The following WWC2 variants were observed in gnomAD, a reference collection of about 807,000 sequenced individuals.
WWC2 encodes WW and C2 domain containing 2.
In WWC2, 101 loss-of-function variants were observed where a neutral mutation model predicts 138.5. That is an observed-to-expected ratio of 0.73 (90% confidence interval 0.62 to 0.86). The LOEUF (loss-of-function observed/expected upper bound fraction) is 0.86. Among genes scored for constraint, WWC2 ranks in the 40% least tolerant of loss-of-function variants. WWC2 has a pLI of 0.00. For missense variants in WWC2, 1,420 were observed against 1,419.4 expected (o/e 1.00, Z -0.01); for synonymous variants, 558 against 538.4 (o/e 1.04, Z -0.50).
rs1737321326 is a variant in WWC2, at chr4:183,261,285, C to T, written c.1662C>T (p.Ser554=). Residue 554 remains serine (S), a synonymous_variant, in exon 11 of 23, where the codon TCC becomes TCT. Transcript: ENST00000403733. ...TGTCCTCGAGGTCCTCCCTTTCCTCCTTGTCTCCTCCAGGCTCTCCCTTGG... is the reference window on the plus strand; with the variant it reads ...TGTCCTCGAGGTCCTCCCTTTCCTCTTTGTCTCCTCCAGGCTCTCCCTTGG... ...ASLSSRSSLS[S]LSPPGSPLVL... is the part of the protein sequence containing the mutation. The T allele has an allele frequency of 6.2e-7, 1 of 1,613,472 alleles. No homozygotes were observed. The highest frequency in any genetic ancestry group is 1.3e-5 in the African/African-American group (1 of 74,900).
intron 1 of WWC2, among the ~76,000 whole-genome samples, chr4:183,188,887 C>T (rs1237129674): frequency 1.3e-5 from 2 of 151,972 alleles, no homozygotes; most frequent in Non-Finnish European, 2.9e-5. Flanking sequence ...CTCAGGTGAT[C>T]CGTCCACCTT....
At chr4:183,100,566 T>C (rs530494761) in intron 1 of WWC2, among the ~76,000 whole-genome samples, 23 of 152,302 alleles carry the variant, frequency 1.5e-4, no homozygotes, top group East Asian at 9.6e-4. Flanking sequence ...ATTTGGACTT[T>C]TGTCATTTCT....
intron 15 of WWC2, chr4:183,269,541 T>C: frequency 2.1e-6 from 1 of 477,566 alleles, no homozygotes; most frequent in East Asian, 6.8e-5. Context: ...GACAACCTGA[T>C]GAAAGATTGG....
intron 1 of WWC2, among the ~76,000 whole-genome samples, chr4:183,153,956 A>AT (rs111470959): frequency 1.5e-5 from 2 of 132,348 alleles, no homozygotes; most frequent in South Asian, 5.4e-4. Flanking sequence ...AACAGTCATG[A>AT]TTAGTGGACT....
intron 11 of WWC2, among the ~76,000 whole-genome samples, chr4:183,261,954 G>T (rs1374165845): frequency 6.6e-6 from 1 of 152,196 alleles, no homozygotes; most frequent in Non-Finnish European, 1.5e-5. Flanking sequence ...TGTTTAGATT[G>T]TTCAGGGAAT....
intron 4 of WWC2, among the ~76,000 whole-genome samples, chr4:183,213,938 A>C (rs189623368): frequency 2.6e-5 from 4 of 152,102 alleles, no homozygotes; most frequent in South Asian, 2.1e-4. Context: ...AAAAAAAAAA[A>C]CACAATACCG....
At chr4:183,118,623 A>T (rs757386525) in intron 1 of WWC2, among the ~76,000 whole-genome samples, 1 of 152,344 alleles carries the variant, frequency 6.6e-6, no homozygotes, top group Non-Finnish European at 1.5e-5. Context: ...ACAGATTTTT[A>T]AAAAGTCATC....
intron 21 of WWC2, among the ~76,000 whole-genome samples, chr4:183,298,363 A>T (rs781052127): frequency 2.0e-5 from 3 of 152,176 alleles, no homozygotes; most frequent in Non-Finnish European, 4.4e-5. Context: ...TACCCAAGAT[A>T]GGGCCAAAAC....
intron 4 of WWC2, among the ~76,000 whole-genome samples, chr4:183,213,360 T>A (rs1404510672): frequency 6.6e-6 from 1 of 152,230 alleles, no homozygotes; most frequent in Non-Finnish European, 1.5e-5. Flanking sequence ...CACGAATTAA[T>A]GCCGTAGGAG....
At chr4:183,123,661 G>A (rs977493267) in intron 1 of WWC2, among the ~76,000 whole-genome samples, 2 of 151,782 alleles carry the variant, frequency 1.3e-5, no homozygotes, top group Non-Finnish European at 2.9e-5. Flanking sequence ...TTAAATCTTG[G>A]TGTTATAGAC....
chr4:183,107,510 G>A (rs936851072), intron 1 of WWC2, among the ~76,000 whole-genome samples: 2 of 152,256 alleles, frequency 1.3e-5, no homozygotes, highest in Admixed American at 6.5e-5. Context: ...TTACTGTGGT[G>A]TTGATTTGTA....
intron 1 of WWC2, among the ~76,000 whole-genome samples, chr4:183,129,613 T>C (rs184363207): frequency 2.6e-5 from 4 of 152,338 alleles, no homozygotes; most frequent in African/African-American, 9.6e-5. Context: ...ATGTTTCTTA[T>C]CACTGTTGAT....
At chr4:183,122,322 C>T (rs918610109) in intron 1 of WWC2, among the ~76,000 whole-genome samples, 3 of 151,926 alleles carry the variant, frequency 2.0e-5, no homozygotes, top group Non-Finnish European at 4.4e-5. Flanking sequence ...ATTAGTGCAT[C>T]GATTTATGCC....
chr4:183,272,441 C>T (rs1434993755), intron 16 of WWC2, among the ~76,000 whole-genome samples: 1 of 152,166 alleles, frequency 6.6e-6, no homozygotes, highest in Non-Finnish European at 1.5e-5. Context: ...ATACATTTCA[C>T]CCATTTAAAG....
At chr4:183,176,068 T>C (rs940513507) in intron 1 of WWC2, among the ~76,000 whole-genome samples, 30 of 152,244 alleles carry the variant, frequency 2.0e-4, no homozygotes, top group African/African-American at 7.2e-4. Context: ...GGCTGATCTC[T>C]GAAGTTAGTA....
intron 9 of WWC2, among the ~76,000 whole-genome samples, chr4:183,258,466 T>C (rs796781657): frequency 6.6e-5 from 10 of 152,316 alleles, no homozygotes; most frequent in African/African-American, 1.9e-4. Flanking sequence ...GCATGTTTCC[T>C]TACTGCCAAA....
At chr4:183,128,318 G>A (rs758828795) in intron 1 of WWC2, among the ~76,000 whole-genome samples, 107 of 152,014 alleles carry the variant, frequency 7.0e-4, no homozygotes, top group African/African-American at 1.4e-3. Context: ...CAGCCTGGGC[G>A]ACAGAGCGAG....
chr4:183,099,617 G>A lies in WWC2; in HGVS notation c.126G>A (p.Arg42=). ...NTRRTSWIDP[R]DRLTKPLSFA... is the part of the protein sequence containing the mutation. ...GGAGGACCAGCTGGATCGACCCCCG[G>A]GACAGGTGGGCGCCGGCCGCGGGGG... The change falls in exon 1 of 23, where the codon CGG becomes CGA. Residue 42 remains arginine, a synonymous_variant. Coordinates refer to ENST00000403733, the MANE Select transcript of WWC2 (RefSeq NM_024949.6). The A allele has an allele frequency of 2.2e-6, 3 of 1,355,714 alleles. No individual in the cohort carries two copies. Among genetic ancestry groups the A allele is most frequent in the Non-Finnish European group, 2.9e-6 (3 of 1,036,264 alleles). 84.0% of individuals were successfully genotyped at this position (1,355,714 alleles called of 1,614,324 possible). A position where few individuals can be genotyped will look rare whatever the true frequency, so the allele number is the denominator to read the frequency against.
At chr4:183,253,730 A>C (rs368138964) in intron 8 of WWC2, 27 bp from the exon 9 acceptor site, 2 of 1,601,156 alleles carry the variant, frequency 1.2e-6, no homozygotes, top group African/African-American at 2.8e-5. Flanking sequence ...AAGTATGTGC[A>C]TACCTCTTCT....
Sources: allele counts gnomAD v4.1 joint callset (sites outside exome capture counted in the v4.1 genomes callset), GRCh38; gene constraint gnomAD v4.1.1; transcripts MANE v1.5; gene names NCBI Gene and HGNC (gene_info 2026-07-23, HGNC 2026-07-21).